The following AVEN variants were observed in gnomAD, a reference collection of about 807,000 sequenced individuals.
AVEN encodes the protein apoptosis and caspase activation inhibitor.
AVEN carries 41 observed loss-of-function variants against 38.1 expected under a neutral mutation model. That is an observed-to-expected ratio of 1.08 (90% CI 0.84 to 1.40). The LOEUF (loss-of-function observed/expected upper bound fraction) is 1.40. Ranked by LOEUF, AVEN falls within the 40% of genes most tolerant of loss-of-function variation. The pLI, the probability that AVEN is intolerant of heterozygous loss-of-function variation, is 0.00. For synonymous variants in AVEN, 206 were observed against 171.8 expected (o/e 1.20, Z -1.56); for missense variants, 605 against 438.8 (o/e 1.38, Z -3.38).
intron 1 of AVEN, among the ~76,000 whole-genome samples, chr15:34,012,638 G>C (rs959802253): frequency 1.3e-5 from 2 of 152,140 alleles, no homozygotes; most frequent in African/African-American, 4.8e-5. Flanking sequence ...TAGTCACTCA[G>C]GTTTTAATGT....
At chr15:33,983,072 C>T (rs1896224091) in intron 2 of AVEN, among the ~76,000 whole-genome samples, 1 of 151,114 alleles carries the variant, frequency 6.6e-6, no homozygotes, top group African/African-American at 2.4e-5. Flanking sequence ...GGATTTTAGA[C>T]GTGGATATAT....
intron 2 of AVEN, among the ~76,000 whole-genome samples, chr15:33,990,376 T>C (rs771800637): frequency 6.6e-6 from 1 of 151,738 alleles, no homozygotes; most frequent in Non-Finnish European, 1.5e-5. Flanking sequence ...AGTGAGACCC[T>C]GTCTGAAAAA....
chr15:34,069,601 A>G (rs540211691), intron 2 of AVEN, among the ~76,000 whole-genome samples: 15 of 152,340 alleles, frequency 9.8e-5, no homozygotes, highest in African/African-American at 3.1e-4. Flanking sequence ...ATGATGTTCT[A>G]TCTCATTATT....
At chr15:33,977,862 A>G (rs576834106) in intron 2 of AVEN, among the ~76,000 whole-genome samples, 3 of 152,174 alleles carry the variant, frequency 2.0e-5, no homozygotes, top group Non-Finnish European at 2.9e-5. Flanking sequence ...GCTTGAGCCC[A>G]GGAGGTCAAA....
chr15:33,959,735 G>A (rs985350641), intron 2 of AVEN, among the ~76,000 whole-genome samples: 2 of 151,416 alleles, frequency 1.3e-5, no homozygotes, highest in African/African-American at 4.9e-5. Flanking sequence ...GACATTATAA[G>A]GAGTAAAGCA....
At chr15:33,887,814 A>C (rs1597194164) in intron 2 of AVEN, among the ~76,000 whole-genome samples, 2 of 152,358 alleles carry the variant, frequency 1.3e-5, no homozygotes, top group East Asian at 3.9e-4. Flanking sequence ...TGGTCCACCA[A>C]GAAGCTTATG....
chr15:33,917,541 A>G (rs570733829), intron 2 of AVEN, among the ~76,000 whole-genome samples: 1 of 139,020 alleles, frequency 7.2e-6, no homozygotes, highest in South Asian at 2.4e-4. Context: ...ATATATATAT[A>G]TCAATCACAC....
At chr15:33,955,606 T>TA (rs1459563822) in intron 2 of AVEN, among the ~76,000 whole-genome samples, 3 of 152,014 alleles carry the variant, frequency 2.0e-5, no homozygotes, top group African/African-American at 7.2e-5. Context: ...ATTCTGAAAA[T>TA]AAAATGAGTG....
At chr15:33,968,422 T>C (rs1265001760) in intron 2 of AVEN, among the ~76,000 whole-genome samples, 3 of 152,086 alleles carry the variant, frequency 2.0e-5, no homozygotes, top group Admixed American at 6.6e-5. Context: ...GGGAAGTAAT[T>C]AATGAGTTTT....
intron 2 of AVEN, among the ~76,000 whole-genome samples, chr15:33,961,618 T>C (rs8034332): frequency 0.97 from 146,361 of 151,176 alleles, 70,966 homozygotes; most frequent in South Asian, 1. Flanking sequence ...TCGAGACCAT[T>C]CTGGCTAACA....
chr15:33,867,656 G>C lies in AVEN; in HGVS notation c.812C>G (p.Pro271Arg). 4 of 1,614,156 alleles carry C rather than the reference G, an allele frequency of 2.5e-6. No individual in the cohort carries two copies. The highest frequency in any genetic ancestry group is 2.5e-6 in the Non-Finnish European group (3 of 1,180,024). ...TCCTGCTGACTGCAGTGGGGAAGTG[G>C]GTTTCTGAGAATCCCTTGAAGGACC... The part of the protein sequence containing the change: ...SPGPSRDSQK[P>R]TSPLQSAGDH... Residue 271 changes from proline (P) to arginine (R), a missense_variant, in exon 5 of 6, where the codon CCC becomes CGC. Pro to Arg is a moderately radical substitution (Grantham distance 103). Transcript: ENST00000306730.
At chr15:33,941,919 T>G (rs1041580663) in intron 2 of AVEN, among the ~76,000 whole-genome samples, 1 of 152,200 alleles carries the variant, frequency 6.6e-6, no homozygotes, top group African/African-American at 2.4e-5. Flanking sequence ...CTTTTGTACA[T>G]GTAGCCATGT....
chr15:34,052,883 A>G (rs1899979301), intron 5 of AVEN, among the ~76,000 whole-genome samples: 1 of 152,204 alleles, frequency 6.6e-6, no homozygotes, highest in South Asian at 2.1e-4. Context: ...ATGCTCATGG[A>G]TAGGAAGAAT....
At chr15:33,862,245 C>T (rs537145611), downstream of AVEN, among the ~76,000 whole-genome samples, 68 of 152,296 alleles carry the variant, frequency 4.5e-4, no homozygotes, top group East Asian at 2.5e-3. Context: ...AGGGTCTCAA[C>T]CCCGTTGCCC....
At chr15:33,877,541 G>A (rs117797783) in intron 2 of AVEN, among the ~76,000 whole-genome samples, 5,137 of 152,290 alleles carry the variant, frequency 0.034, 160 homozygotes, top group Non-Finnish European at 0.039. Context: ...GGGGCCGGGC[G>A]CGGTGGCTCA....
intron 1 of AVEN, among the ~76,000 whole-genome samples, chr15:34,031,656 C>T (rs543826266): frequency 1.3e-5 from 2 of 152,190 alleles, no homozygotes; most frequent in South Asian, 4.1e-4. Context: ...GATTGTTGTG[C>T]TGTTTGCACA....
chr15:33,888,622 T>A (rs1446969787), intron 2 of AVEN, among the ~76,000 whole-genome samples: 1 of 152,192 alleles, frequency 6.6e-6, no homozygotes. Flanking sequence ...AATATTAATG[T>A]TTATAGTCAA....
chr15:33,863,125 T>G (rs980141190), downstream of AVEN, among the ~76,000 whole-genome samples: 4 of 152,078 alleles, frequency 2.6e-5, no homozygotes, highest in Non-Finnish European at 5.9e-5. Context: ...GTTACACTGG[T>G]CTCTTTCCTA....
intron 2 of AVEN, among the ~76,000 whole-genome samples, chr15:33,877,710 G>A (rs144079019): frequency 0.033 from 4,964 of 152,248 alleles, 267 homozygotes; most frequent in African/African-American, 0.11. Context: ...CAGCATTGTC[G>A]GAGGCCGAGG....
Sources: gnomAD v4.1 joint callset for allele counts (sites outside exome capture counted in the v4.1 genomes callset) on GRCh38, gnomAD v4.1.1 for gene constraint, MANE v1.5 for transcripts, NCBI Gene and HGNC (gene_info 2026-07-23, HGNC 2026-07-21) for gene names.